TENM2: variants seen among roughly 807,000 people sequenced by gnomAD.
TENM2 encodes teneurin transmembrane protein 2, also known as teneurin-2.
A neutral mutation model predicts 245.2 loss-of-function variants in TENM2; 52 were observed. The ratio of observed to expected loss-of-function variants is 0.21; its 90% CI spans 0.17 to 0.27. The LOEUF (loss-of-function observed/expected upper bound fraction) is 0.27. TENM2 is among the 10% of genes least tolerant of loss of function. The probability of loss-of-function intolerance (pLI) is 1.00; values close to 1 mark genes in which losing one functional copy is unlikely to be tolerated. For synonymous variants in TENM2, 1,363 were observed against 1,438.9 expected (o/e 0.95, Z 1.19); for missense variants, 3,046 against 3,666.8 (o/e 0.83, Z 4.37).
At chr5:167,525,485 A>G (rs1384184704) in intron 2 of TENM2, among the ~76,000 whole-genome samples, 1 of 152,182 alleles carries the variant, frequency 6.6e-6, no homozygotes, top group Non-Finnish European at 1.5e-5. Context: ...ATTTGTTATC[A>G]TAAAAGAATG....
chr5:167,138,676 G>T, the TENM2 span, among the ~76,000 whole-genome samples: 1 of 152,174 alleles, frequency 6.6e-6, no homozygotes, highest in Admixed American at 6.5e-5. Context: ...AGGCCACAGT[G>T]CAGTGGCATG....
intron 7 of TENM2, among the ~76,000 whole-genome samples, chr5:168,064,630 C>T (rs1380485333): frequency 6.6e-6 from 1 of 152,208 alleles, no homozygotes; most frequent in Non-Finnish European, 1.5e-5. Context: ...CATCTCCTGC[C>T]TAGACTGTGA....
intron 12 of TENM2, among the ~76,000 whole-genome samples, chr5:168,158,714 C>G (rs958882693): frequency 2.0e-5 from 3 of 149,624 alleles, no homozygotes; most frequent in African/African-American, 7.4e-5. Context: ...AATCCCAGCA[C>G]TTTGGGAGGC....
At chr5:167,432,079 T>G (rs1387890093) in intron 2 of TENM2, among the ~76,000 whole-genome samples, 1 of 151,016 alleles carries the variant, frequency 6.6e-6, no homozygotes, top group Admixed American at 6.6e-5. Context: ...AGTTAAATTC[T>G]AATGCAGTAA....
At chr5:167,154,320 T>C in the TENM2 span, among the ~76,000 whole-genome samples, 1 of 152,166 alleles carries the variant, frequency 6.6e-6, no homozygotes, top group South Asian at 2.1e-4. Context: ...TTTATACTTT[T>C]ATCGTTTACT....
intron 1 of TENM2, among the ~76,000 whole-genome samples, chr5:167,332,218 C>T (rs541895889): frequency 3.3e-5 from 5 of 152,280 alleles, no homozygotes; most frequent in East Asian, 1.9e-4. Flanking sequence ...TTCGTGGCCT[C>T]GGCAGTACCG....
intron 9 of TENM2, among the ~76,000 whole-genome samples, chr5:168,108,925 A>T (rs1262786102): frequency 6.6e-6 from 1 of 152,060 alleles, no homozygotes; most frequent in African/African-American, 2.4e-5. Context: ...CACCAGGAAT[A>T]CTTCCCTCAG....
At chr5:167,674,045 T>C (rs1176304943) in intron 2 of TENM2, among the ~76,000 whole-genome samples, 1 of 152,156 alleles carries the variant, frequency 6.6e-6, no homozygotes, top group Non-Finnish European at 1.5e-5. Flanking sequence ...TCTGTAATGA[T>C]GTCATTAAAC....
intron 2 of TENM2, among the ~76,000 whole-genome samples, chr5:167,842,377 T>A (rs1583161767): frequency 6.6e-6 from 1 of 151,894 alleles, no homozygotes; most frequent in Admixed American, 6.5e-5. Flanking sequence ...TCACCTGAGG[T>A]CAGGAGTTCA....
intron 1 of TENM2, among the ~76,000 whole-genome samples, chr5:167,349,756 G>C (rs2127837288): frequency 6.6e-6 from 1 of 152,152 alleles, no homozygotes; most frequent in South Asian, 2.1e-4. Flanking sequence ...ATGCCTAACA[G>C]TGTTCTGATA....
intron 3 of TENM2, among the ~76,000 whole-genome samples, chr5:167,904,899 T>C (rs1775968163): frequency 6.6e-6 from 1 of 152,184 alleles, no homozygotes; most frequent in Non-Finnish European, 1.5e-5. Context: ...CTTTAGGGTC[T>C]GTGGTTGAGT....
chr5:167,932,027 A>C (rs527408915), intron 3 of TENM2, among the ~76,000 whole-genome samples: 1 of 152,328 alleles, frequency 6.6e-6, no homozygotes, highest in South Asian at 2.1e-4. Context: ...AGAAGAAAAA[A>C]GATATGTTTG....
intron 1 of TENM2, among the ~76,000 whole-genome samples, chr5:167,321,775 G>C: frequency 1.0e-5 from 1 of 96,628 alleles, no homozygotes; most frequent in Non-Finnish European, 1.9e-5. Context: ...TTGTCTTGCT[G>C]CCTTGGCTTA....
chr5:168,067,803 C>T (rs1436443322), intron 7 of TENM2, among the ~76,000 whole-genome samples: 1 of 152,112 alleles, frequency 6.6e-6, no homozygotes, highest in African/African-American at 2.4e-5. Context: ...CCTCACCTTT[C>T]ACATGGAGCT....
At chr5:167,144,225 A>G in the TENM2 span, among the ~76,000 whole-genome samples, 33,253 of 152,082 alleles carry the variant, frequency 0.22, 5,204 homozygotes, top group African/African-American at 0.43. Context: ...TGTGTGCAAG[A>G]TTATAGGAGG....
chr5:168,241,441 T>A (rs1766094215), intron 25 of TENM2, among the ~76,000 whole-genome samples: 1 of 150,146 alleles, frequency 6.7e-6, no homozygotes, highest in African/African-American at 2.5e-5. Context: ...TTTTTTTTTT[T>A]AGTAGACACA....
intron 2 of TENM2, among the ~76,000 whole-genome samples, chr5:167,835,101 G>A (rs1310954537): frequency 6.6e-6 from 1 of 152,156 alleles, no homozygotes; most frequent in East Asian, 1.9e-4. Flanking sequence ...CAACTTTAAG[G>A]TGAGGTTATA....
chr5:168,133,204 A>C (rs2152380882), intron 12 of TENM2, among the ~76,000 whole-genome samples: 1 of 152,326 alleles, frequency 6.6e-6, no homozygotes, highest in Middle Eastern at 3.4e-3. Flanking sequence ...AGGGCTTTTT[A>C]AAATAGATAC....
chr5:167,426,900 C>T (rs1476244561), intron 2 of TENM2, among the ~76,000 whole-genome samples: 2 of 152,104 alleles, frequency 1.3e-5, no homozygotes, highest in African/African-American at 4.8e-5. Context: ...ACAAAAACCT[C>T]CATGAGTCAC....
Sources: gnomAD v4.1 joint callset for allele counts (sites outside exome capture counted in the v4.1 genomes callset) on GRCh38, gnomAD v4.1.1 for gene constraint, MANE v1.5 for transcripts, NCBI Gene and HGNC (gene_info 2026-07-23, HGNC 2026-07-21) for gene names.